Variants in PTPRO observed in about 807,000 individuals in gnomAD.
PTPRO encodes the protein protein tyrosine phosphatase receptor type O.
A neutral mutation model predicts 145.2 loss-of-function variants in PTPRO; 62 were observed. The observed-to-expected ratio is 0.43, with a 90% confidence interval of 0.35 to 0.53. The LOEUF is 0.53. Ranked by LOEUF, PTPRO falls within the 20% of genes least tolerant of loss-of-function variation. The pLI, the probability that PTPRO is intolerant of heterozygous loss-of-function variation, is 0.01. For synonymous variants in PTPRO, 565 were observed against 514.7 expected (o/e 1.10, Z -1.32); for missense variants, 1,345 against 1,482.7 (o/e 0.91, Z 1.53).
chr12:15,386,348 A>C (rs1939027598), intron 1 of PTPRO, among the ~76,000 whole-genome samples: 1 of 152,202 alleles, frequency 6.6e-6, no homozygotes, highest in Non-Finnish European at 1.5e-5. Flanking sequence ...AAAAAGAACA[A>C]AAAATAACTT....
intron 1 of PTPRO, chr12:15,439,482 G>A (rs935989650): frequency 4.2e-5 from 9 of 213,962 alleles, no homozygotes; most frequent in Non-Finnish European, 8.5e-5. Flanking sequence ...GAGCTGCAAG[G>A]TTGATAAAAA....
chr12:15,475,947 C>T (rs908219238), intron 1 of PTPRO, among the ~76,000 whole-genome samples: 5 of 152,200 alleles, frequency 3.3e-5, no homozygotes, highest in African/African-American at 9.7e-5. Context: ...GAGGACATCT[C>T]AGCTGTTCCA....
At chr12:15,472,563 G>A (rs897713083) in intron 1 of PTPRO, among the ~76,000 whole-genome samples, 20 of 152,108 alleles carry the variant, frequency 1.3e-4, no homozygotes, top group South Asian at 6.2e-4. Flanking sequence ...GCAAACTCAC[G>A]AGCATCTTTC....
At chr12:15,327,778 G>A (rs1866488441) in intron 1 of PTPRO, among the ~76,000 whole-genome samples, 1 of 152,102 alleles carries the variant, frequency 6.6e-6, no homozygotes, top group Non-Finnish European at 1.5e-5. Flanking sequence ...GTGTGAATGG[G>A]TTCCTTCTCT....
At position 15,406,991 on chromosome 12, in the gene PTPRO, A is replaced by G. The variant is rs376644469; in HGVS notation, c.76-76983A>G. ...TGAAAATAGGAGCTAAAACAAAGAC[A>G]TGGAAGTAGTCCATGGTTTGGTACA... On this transcript the variant is annotated intron_variant, in intron 1 of 26. Transcript: ENST00000281171. Among the ~76,000 whole-genome samples, 15 of 152,238 alleles carry G rather than the reference A, an allele frequency of 9.9e-5. No homozygotes were observed. In the East Asian group the frequency reaches 2.9e-3, roughly 29 times the overall value.
chr12:15,549,239 A>G lies in PTPRO; in HGVS notation c.2437+13A>G, dbSNP rs1565420192. ...GTCTCAACAATGGGTAATTATACAC[A>G]TTAGTGTATAATTTTCTCACTTTTT... is the stretch of plus-strand genomic sequence containing the variant. On this transcript the variant is annotated intron_variant, in intron 14 of 26. Coordinates refer to ENST00000281171, the MANE Select transcript of PTPRO (RefSeq NM_030667.3). 2 of 1,566,566 alleles carry G rather than the reference A, an allele frequency of 1.3e-6. No individual in the cohort carries two copies. Among genetic ancestry groups the G allele is most frequent in the South Asian group, 1.2e-5 (1 of 82,504 alleles).
At chr12:15,534,858 G>C (rs982253876) in intron 12 of PTPRO, among the ~76,000 whole-genome samples, 1 of 152,196 alleles carries the variant, frequency 6.6e-6, no homozygotes, top group African/African-American at 2.4e-5. Flanking sequence ...AACTAATTAA[G>C]GGGCTATTTG....
At chr12:15,458,257 T>C (rs768333664) in intron 1 of PTPRO, among the ~76,000 whole-genome samples, 9 of 152,176 alleles carry the variant, frequency 5.9e-5, no homozygotes, top group Non-Finnish European at 7.4e-5. Context: ...ATGTGATAAG[T>C]CATTTTTTTC....
chr12:15,342,900 T>C (rs1037904647), intron 1 of PTPRO, among the ~76,000 whole-genome samples: 1 of 152,208 alleles, frequency 6.6e-6, no homozygotes, highest in Admixed American at 6.5e-5. Flanking sequence ...TCACCAATTA[T>C]TCAGGTATGT....
At chr12:15,529,400 T>A (rs890620829) in intron 12 of PTPRO, among the ~76,000 whole-genome samples, 1 of 149,996 alleles carries the variant, frequency 6.7e-6, no homozygotes, top group Admixed American at 6.7e-5. Flanking sequence ...ATGCCTGTAA[T>A]CCAGCACTTT....
At chr12:15,559,950 G>A (rs1943729333) in intron 16 of PTPRO, among the ~76,000 whole-genome samples, 1 of 152,078 alleles carries the variant, frequency 6.6e-6, no homozygotes, top group South Asian at 2.1e-4. Context: ...CACAAAGTAA[G>A]TTGAAAGAAA....
chr12:15,433,743 T>C (rs1940517403), intron 1 of PTPRO, among the ~76,000 whole-genome samples: 1 of 152,250 alleles, frequency 6.6e-6, no homozygotes, highest in Non-Finnish European at 1.5e-5. Context: ...AATACCATGC[T>C]GCTTTGGTTA....
intron 1 of PTPRO, among the ~76,000 whole-genome samples, chr12:15,441,569 A>C (rs1232171733): frequency 6.6e-6 from 1 of 152,150 alleles, no homozygotes. Flanking sequence ...CAAAACTAAA[A>C]GTTGGTTCTT....
At chr12:15,516,518 A>AG (rs143270565) in intron 8 of PTPRO, among the ~76,000 whole-genome samples, 47 of 135,194 alleles carry the variant, frequency 3.5e-4, no homozygotes, top group South Asian at 5.2e-4. Flanking sequence ...AGAAAGAAAG[A>AG]AAAAGAAAAG....
At chr12:15,562,947 C>T (rs1055178352) in intron 17 of PTPRO, among the ~76,000 whole-genome samples, 1 of 152,050 alleles carries the variant, frequency 6.6e-6, no homozygotes, top group Non-Finnish European at 1.5e-5. Context: ...ATGGTTTCTG[C>T]TTAGCTCATC....
chr12:15,410,041 C>A (rs527850319), intron 1 of PTPRO, among the ~76,000 whole-genome samples: 3 of 151,700 alleles, frequency 2.0e-5, no homozygotes, highest in Non-Finnish European at 2.9e-5. Flanking sequence ...ATGATTCCTG[C>A]CTGATTAAGG....
intron 2 of PTPRO, among the ~76,000 whole-genome samples, chr12:15,486,071 A>C (rs959495329): frequency 2.0e-5 from 3 of 152,132 alleles, no homozygotes; most frequent in African/African-American, 7.2e-5. Flanking sequence ...TTGATTGTTC[A>C]AGTCTTCTAT....
At chr12:15,543,663 G>A (rs148169720) in intron 12 of PTPRO, among the ~76,000 whole-genome samples, 2 of 152,190 alleles carry the variant, frequency 1.3e-5, no homozygotes, top group African/African-American at 4.8e-5. Context: ...CATGACCCTT[G>A]TTCTTAAAGA....
At chr12:15,443,920 T>C (rs1940835895) in intron 1 of PTPRO, among the ~76,000 whole-genome samples, 3 of 151,890 alleles carry the variant, frequency 2.0e-5, no homozygotes, top group African/African-American at 4.8e-5. Context: ...ATACAGAAAG[T>C]AGTTTTGAGA....
Sources: gnomAD v4.1 joint callset for allele counts (sites outside exome capture counted in the v4.1 genomes callset) on GRCh38, gnomAD v4.1.1 for gene constraint, MANE v1.5 for transcripts, NCBI Gene and HGNC (gene_info 2026-07-23, HGNC 2026-07-21) for gene names.